The following LCMT1 variants were observed in gnomAD, a reference collection of about 807,000 sequenced individuals.
LCMT1 encodes [Phosphatase 2A protein]-leucine-carboxy methyltransferase 1.
Under a neutral mutation model 47.7 loss-of-function variants are expected in LCMT1, and 32 were observed. The ratio of observed to expected loss-of-function variants is 0.67; its 90% confidence interval spans 0.51 to 0.90. The LOEUF (loss-of-function observed/expected upper bound fraction) is 0.90, where lower values mean the gene tolerates loss of function less well. LCMT1 is among the 40% of genes least tolerant of loss of function. The pLI is 0.00. For synonymous variants in LCMT1, 152 were observed against 149.7 expected, an observed-to-expected ratio of 1.02 and a Z score of -0.11; for missense variants, 375 against 415.2, an observed-to-expected ratio of 0.90 and a Z score of 0.84.
chr16:25,164,602 C>T lies in LCMT1; in HGVS notation c.574C>T (p.Pro192Ser). 2.5e-6 allele frequency: 4 copies of T among 1,613,880 alleles called. No homozygotes were observed. The highest frequency in any genetic ancestry group is 3.4e-6 in the Non-Finnish European group (4 of 1,179,840). Residue 192 changes from proline to serine, a missense_variant, in exon 7 of 11, where the codon CCA becomes TCA. Physicochemically the swap from Pro to Ser is moderately conservative, Grantham distance 74. Coordinates refer to ENST00000399069, the MANE Select transcript of LCMT1 (RefSeq NM_016309.3). ...CTTTTTTTCCTTATCTTTAAGATTG[C>T]CAACACTCCTGATAGCTGAATGTGT... ...LKKCNMNTQL[P>S]TLLIAECVLV...
chr16:25,133,896 G>A (rs766330084), intron 3 of LCMT1, among the ~76,000 whole-genome samples: 1 of 151,766 alleles, frequency 6.6e-6, no homozygotes, highest in African/African-American at 2.4e-5. Flanking sequence ...GCTGGGTGTG[G>A]TGGTGGGCAC....
chr16:25,161,818 TA>T (rs35018593), intron 6 of LCMT1, among the ~76,000 whole-genome samples: 34,266 of 147,210 alleles, frequency 0.23, 3,997 homozygotes, highest in East Asian at 0.34. Flanking sequence ...CAGCTACTAT[TA>T]AAAAAAAAAA....
chr16:25,141,846 A>G (rs1286698823), intron 4 of LCMT1: 1 of 152,214 alleles, frequency 6.6e-6, no homozygotes, highest in African/African-American at 2.4e-5. Context: ...CTCTGCCTGT[A>G]CTAGTTGCCA....
intron 5 of LCMT1, among the ~76,000 whole-genome samples, chr16:25,153,457 G>A (rs1202243281): frequency 6.7e-6 from 1 of 149,288 alleles, no homozygotes; most frequent in Non-Finnish European, 1.5e-5. Flanking sequence ...GTGAAGGGGT[G>A]CAGACTCAGA....
At chr16:25,128,019 C>G (rs1184785781) in intron 1 of LCMT1, among the ~76,000 whole-genome samples, 3 of 152,196 alleles carry the variant, frequency 2.0e-5, no homozygotes, top group African/African-American at 7.2e-5. Flanking sequence ...GCACCTAATA[C>G]AGAGTCAGGA....
intron 7 of LCMT1, 36 bp from the exon 8 acceptor site, chr16:25,169,076 C>G (rs1412356262): frequency 2.8e-6 from 4 of 1,415,316 alleles, no homozygotes; most frequent in Non-Finnish European, 4.0e-6. Flanking sequence ...TTAGGAAACC[C>G]TTAGAGTAAT....
At chr16:25,126,634 A>T (rs16974325) in intron 1 of LCMT1, among the ~76,000 whole-genome samples, 34,397 of 151,846 alleles carry the variant, frequency 0.23, 3,899 homozygotes, top group East Asian at 0.34. Flanking sequence ...CCTTGGCTAC[A>T]CTAGTCGTAT....
At chr16:25,146,818 A>C (rs1375573918) in intron 4 of LCMT1, 1 of 151,894 alleles carries the variant, frequency 6.6e-6, no homozygotes, top group Non-Finnish European at 1.5e-5. Context: ...GACTACTGGG[A>C]TCTCCTTCTT....
chr16:25,137,589 G>T (rs989124570), intron 3 of LCMT1, among the ~76,000 whole-genome samples: 1 of 151,768 alleles, frequency 6.6e-6, no homozygotes, highest in African/African-American at 2.4e-5. Flanking sequence ...GGGACTACAG[G>T]TGCAAGCCAC....
At chr16:25,144,988 A>G (rs1357429468) in intron 4 of LCMT1, 1 of 152,192 alleles carries the variant, frequency 6.6e-6, no homozygotes, top group African/African-American at 2.4e-5. Flanking sequence ...CTCCCAGTAC[A>G]AGGGCTCTCT....
chr16:25,118,272 C>T (rs1225265246), intron 1 of LCMT1, among the ~76,000 whole-genome samples: 1 of 152,072 alleles, frequency 6.6e-6, no homozygotes. Flanking sequence ...CCGTCACCGC[C>T]ATCCTTTCAG....
chr16:25,164,787 C>T, intron 7 of LCMT1, 69 bp downstream of exon 7: 1 of 1,593,276 alleles, frequency 6.3e-7, no homozygotes, highest in East Asian at 2.2e-5. Context: ...TCCCAGCACC[C>T]TTAGGATAAC....
chr16:25,114,306 T>G (rs957003334), intron 1 of LCMT1, among the ~76,000 whole-genome samples: 5 of 152,072 alleles, frequency 3.3e-5, no homozygotes, highest in African/African-American at 9.7e-5. Context: ...AAATGTGGAG[T>G]GCTTGCAGCA....
At chr16:25,160,952 A>G (rs902204848) in intron 5 of LCMT1, 150 bp from the exon 6 acceptor site, 1 of 614,338 alleles carries the variant, frequency 1.6e-6, no homozygotes, top group Non-Finnish European at 2.9e-6. Flanking sequence ...TTTGGAAGAT[A>G]GGATTTTGGT....
intron 4 of LCMT1, chr16:25,146,475 A>C (rs151025419): frequency 6.6e-5 from 10 of 152,404 alleles, no homozygotes; most frequent in African/African-American, 2.4e-4. Flanking sequence ...GCTCCATCCA[A>C]GGTTGGCTGT....
rs1043873888 is a variant in LCMT1, at chr16:25,174,930, T to C, written c.885-7T>C. The stretch of plus-strand genomic sequence containing the variant: ...CTTGCATCGTTCTATTTTAATTCTT[T>C]CCACAGGATAGAATCACTTGAATTC... On this transcript the variant is annotated splice_region_variant and splice_polypyrimidine_tract_variant and intron_variant, in intron 9 of 10. Transcript: ENST00000399069. The C allele has an allele frequency of 2.0e-5, 30 of 1,525,382 alleles. No homozygotes were observed. Among genetic ancestry groups the C allele is most frequent in the Non-Finnish European group, 2.6e-5 (29 of 1,109,796 alleles). 94.5% of individuals were successfully genotyped at this position (1,525,382 alleles called of 1,614,324 possible).
intron 9 of LCMT1, among the ~76,000 whole-genome samples, chr16:25,173,080 G>A (rs141265521): frequency 5.2e-4 from 79 of 152,324 alleles, no homozygotes; most frequent in African/African-American, 1.8e-3. Flanking sequence ...TGAATGCCAC[G>A]TAGTTTGTAT....
chr16:25,119,002 TAGG>T (rs1959885692), intron 1 of LCMT1, among the ~76,000 whole-genome samples: 1 of 152,066 alleles, frequency 6.6e-6, no homozygotes, highest in African/African-American at 2.4e-5. Flanking sequence ...CAGCCTCTGT[TAGG>T]AGCAGACTGC....
intron 3 of LCMT1, among the ~76,000 whole-genome samples, chr16:25,133,224 G>C (rs1449862891): frequency 6.6e-6 from 1 of 151,884 alleles, no homozygotes; most frequent in Non-Finnish European, 1.5e-5. Context: ...GGTAAAATTT[G>C]GAGATTCATA....
Sources: allele counts gnomAD v4.1 joint callset (sites outside exome capture counted in the v4.1 genomes callset), GRCh38; gene constraint gnomAD v4.1.1; transcripts MANE v1.5; gene names NCBI Gene and HGNC (gene_info 2026-07-23, HGNC 2026-07-21).